Variants in CAMKMT observed in about 807,000 individuals in gnomAD.
CAMKMT encodes CaM KMT.
CAMKMT carries 53 observed loss-of-function variants against 48.0 expected under a neutral mutation model. The ratio of observed to expected loss-of-function variants is 1.10; its 90% CI spans 0.89 to 1.39. The LOEUF (loss-of-function observed/expected upper bound fraction) is 1.39. Among genes scored for constraint, CAMKMT ranks in the 40% most tolerant of loss-of-function variants. The pLI is 0.00. For synonymous variants in CAMKMT, 165 were observed against 152.3 expected (o/e 1.08, Z -0.61); for missense variants, 428 against 402.7 (o/e 1.06, Z -0.54).
intron 3 of CAMKMT, among the ~76,000 whole-genome samples, chr2:44,514,641 C>G (rs1157664349): frequency 1.3e-5 from 2 of 152,184 alleles, no homozygotes; most frequent in East Asian, 3.9e-4. Context: ...GCCCTGAGAG[C>G]AGGGACCTTT....
intron 8 of CAMKMT, among the ~76,000 whole-genome samples, chr2:44,746,561 C>G (rs546288899): frequency 6.6e-6 from 1 of 152,266 alleles, no homozygotes; most frequent in South Asian, 2.1e-4. Context: ...TTTCACCATT[C>G]AGCATTTTTG....
intron 3 of CAMKMT, among the ~76,000 whole-genome samples, chr2:44,515,637 G>A (rs1670796801): frequency 6.6e-6 from 1 of 152,146 alleles, no homozygotes; most frequent in Admixed American, 6.5e-5. Flanking sequence ...AGGGGAAACT[G>A]GTTTGGGAAG....
chr2:44,738,693 AG>A, intron 7 of CAMKMT, among the ~76,000 whole-genome samples: 1 of 152,348 alleles, frequency 6.6e-6, no homozygotes, highest in South Asian at 2.1e-4. Context: ...GTGGGGAAAG[AG>A]AGAAGAAACA....
chr2:44,433,115 G>C (rs1240238025), intron 3 of CAMKMT, among the ~76,000 whole-genome samples: 3 of 152,106 alleles, frequency 2.0e-5, no homozygotes, highest in African/African-American at 7.2e-5. Flanking sequence ...TTACATTAGA[G>C]CTGGTCTATC....
At chr2:44,419,926 G>A (rs189630432) in intron 3 of CAMKMT, among the ~76,000 whole-genome samples, 1 of 152,122 alleles carries the variant, frequency 6.6e-6, no homozygotes, top group Non-Finnish European at 1.5e-5. Flanking sequence ...AGTGCAAAGA[G>A]TCGTCTCACA....
rs1376155565 is a variant in CAMKMT at position 44,589,150 on chromosome 2, C to T, written c.377-115133C>T. 5.6e-5 allele frequency among the ~76,000 whole-genome samples: 3 copies of T among 54,016 alleles called. 1 individual carries two copies. The highest frequency in any genetic ancestry group is 1.2e-4 in the Non-Finnish European group (3 of 25,674). 35.4% of individuals were successfully genotyped at this position (54,016 alleles called of 152,430 possible). ...GAGGGTGGTGGGGGGGTCAGCCCCC[C>T]GCCTGGCCAGCCGCCCTATCCAGGA... On this transcript the variant is annotated intron_variant, in intron 3 of 10. Transcript: ENST00000378494.
At chr2:44,427,953 T>A (rs896221838) in intron 3 of CAMKMT, among the ~76,000 whole-genome samples, 2 of 152,228 alleles carry the variant, frequency 1.3e-5, no homozygotes, top group South Asian at 2.1e-4. Context: ...CTGGGGTGAA[T>A]GTCTTTGGGC....
At chr2:44,553,391 C>T (rs1357931327) in intron 3 of CAMKMT, among the ~76,000 whole-genome samples, 6 of 148,754 alleles carry the variant, frequency 4.0e-5, no homozygotes, top group Non-Finnish European at 7.4e-5. Flanking sequence ...GGGACAGTCT[C>T]GCTCTGTCAC....
chr2:44,765,864 C>T (rs752810426), intron 9 of CAMKMT, among the ~76,000 whole-genome samples: 5 of 152,186 alleles, frequency 3.3e-5, no homozygotes, highest in Non-Finnish European at 7.4e-5. Flanking sequence ...ATCCTGGAGC[C>T]TGTATCTGAC....
intron 3 of CAMKMT, among the ~76,000 whole-genome samples, chr2:44,457,453 C>T (rs890868823): frequency 2.7e-5 from 4 of 149,002 alleles, no homozygotes; most frequent in African/African-American, 1.0e-4. Context: ...GGCTGGAGTG[C>T]AGTGGCATGA....
intron 1 of CAMKMT, among the ~76,000 whole-genome samples, chr2:44,370,163 G>T (rs1194481332): frequency 6.6e-6 from 1 of 152,124 alleles, no homozygotes; most frequent in Non-Finnish European, 1.5e-5. Context: ...TTGCTTAACT[G>T]CCCTGTGTTC....
At chr2:44,727,569 A>G (rs1181190322) in intron 7 of CAMKMT, among the ~76,000 whole-genome samples, 1 of 152,198 alleles carries the variant, frequency 6.6e-6, no homozygotes, top group East Asian at 1.9e-4. Flanking sequence ...AAAGAGAGAT[A>G]GTTTGACTTT....
intron 3 of CAMKMT, among the ~76,000 whole-genome samples, chr2:44,513,202 C>A (rs893900553): frequency 7.9e-5 from 12 of 152,016 alleles, no homozygotes; most frequent in African/African-American, 2.7e-4. Flanking sequence ...CCAAATTACC[C>A]CACTGACAGG....
intron 3 of CAMKMT, among the ~76,000 whole-genome samples, chr2:44,692,740 TGAA>T (rs1676733381): frequency 6.6e-6 from 1 of 152,190 alleles, no homozygotes; most frequent in South Asian, 2.1e-4. Context: ...TTTTTATAGT[TGAA>T]GACCCCCCAG....
intron 7 of CAMKMT, among the ~76,000 whole-genome samples, chr2:44,735,774 G>A (rs868010730): frequency 1.3e-5 from 2 of 151,920 alleles, no homozygotes; most frequent in East Asian, 1.9e-4. Context: ...TTAGCCAGGC[G>A]TGGTCGTTGG....
chr2:44,544,026 G>T (rs926570566), intron 3 of CAMKMT, among the ~76,000 whole-genome samples: 1 of 152,066 alleles, frequency 6.6e-6, no homozygotes, highest in African/African-American at 2.4e-5. Flanking sequence ...ACACTTTCTG[G>T]ACAAAAATCT....
chr2:44,484,831 A>T (rs923029122), intron 3 of CAMKMT, among the ~76,000 whole-genome samples: 1 of 152,152 alleles, frequency 6.6e-6, no homozygotes, highest in African/African-American at 2.4e-5. Context: ...GCATATAACT[A>T]AGGACTTATT....
At chr2:44,533,843 A>T (rs150250941) in intron 3 of CAMKMT, among the ~76,000 whole-genome samples, 3 of 152,326 alleles carry the variant, frequency 2.0e-5, no homozygotes, top group East Asian at 3.9e-4. Flanking sequence ...TATATAAAAC[A>T]TTCAGAACAC....
chr2:44,452,331 G>A (rs756152815), intron 3 of CAMKMT, among the ~76,000 whole-genome samples: 7 of 152,022 alleles, frequency 4.6e-5, no homozygotes, highest in South Asian at 4.1e-4. Flanking sequence ...TAGGCATAGC[G>A]CCAGTTATCT....
Sources: allele counts gnomAD v4.1 joint callset (sites outside exome capture counted in the v4.1 genomes callset), GRCh38; gene constraint gnomAD v4.1.1; transcripts MANE v1.5; gene names NCBI Gene and HGNC (gene_info 2026-07-23, HGNC 2026-07-21).